The following DYNC1LI1 variants were observed in gnomAD, a reference collection of about 807,000 sequenced individuals.
The protein encoded by DYNC1LI1 is cytoplasmic dynein 1 light intermediate chain 1.
In DYNC1LI1, 19 loss-of-function variants were observed where a neutral mutation model predicts 63.8. That is an observed-to-expected ratio of 0.30 (90% confidence interval 0.21 to 0.44). DYNC1LI1 has a LOEUF of 0.44. Ranked by LOEUF, DYNC1LI1 falls within the 20% of genes least tolerant of loss-of-function variation. The probability of loss-of-function intolerance (pLI) is 1.00; values close to 1 mark genes in which losing one functional copy is unlikely to be tolerated. For synonymous variants in DYNC1LI1, 225 were observed against 232.3 expected, an observed-to-expected ratio of 0.97 and a Z score of 0.28; for missense variants, 565 against 630.2, an observed-to-expected ratio of 0.90 and a Z score of 1.11.
intron 12 of DYNC1LI1, 27 bp downstream of exon 12, chr3:32,528,418 AC>A (rs752107685): frequency 8.1e-6 from 13 of 1,613,438 alleles, no homozygotes; most frequent in Admixed American, 3.3e-5. Flanking sequence ...GTTATTTTAA[AC>A]AAGTGACTTG....
At chr3:32,563,898 G>A (rs920739776) in intron 2 of DYNC1LI1, among the ~76,000 whole-genome samples, 5 of 152,212 alleles carry the variant, frequency 3.3e-5, no homozygotes, top group African/African-American at 9.6e-5. Flanking sequence ...TTCATCATTT[G>A]TTCAACAGAT....
chr3:32,541,076 T>A lies in DYNC1LI1; in HGVS notation c.699A>T (p.Thr233=). ...VVLPLGADTL[T]HNLGIPVLVV... ...CTAGTACTGGAATGCCCAAGTTATG[T>A]GTAAGTGTATCCGCACCCAGAGGTA... Residue 233 remains threonine, a synonymous_variant, in exon 5 of 13, where the codon ACA becomes ACT. Transcript: ENST00000273130. The A allele has an allele frequency of 6.2e-7, 1 of 1,613,624 alleles. No individual in the cohort carries two copies. Among genetic ancestry groups the A allele is most frequent in the Non-Finnish European group, 8.5e-7 (1 of 1,179,792 alleles).
intron 2 of DYNC1LI1, among the ~76,000 whole-genome samples, chr3:32,564,658 T>C (rs1306684477): frequency 1.3e-5 from 2 of 152,228 alleles, no homozygotes; most frequent in East Asian, 3.8e-4. Context: ...AATAAACATG[T>C]AATAAATAAT....
chr3:32,538,632 C>T (rs977450365), intron 5 of DYNC1LI1, among the ~76,000 whole-genome samples: 4 of 151,648 alleles, frequency 2.6e-5, no homozygotes, highest in African/African-American at 7.3e-5. Context: ...ACCTAGGAGG[C>T]GGAGCTCGCT....
intron 5 of DYNC1LI1, among the ~76,000 whole-genome samples, chr3:32,537,571 A>G (rs1027448414): frequency 6.6e-6 from 1 of 151,856 alleles, no homozygotes; most frequent in African/African-American, 2.4e-5. Flanking sequence ...AAGTGACCTT[A>G]ATTTCTTTTC....
intron 7 of DYNC1LI1, among the ~76,000 whole-genome samples, chr3:32,534,115 G>A (rs147760762): frequency 2.2e-4 from 33 of 151,236 alleles, no homozygotes; most frequent in African/African-American, 7.5e-4. Flanking sequence ...CTGACATCAG[G>A]TGATCTGCTC....
intron 2 of DYNC1LI1, among the ~76,000 whole-genome samples, chr3:32,551,615 T>C (rs1698043813): frequency 1.3e-5 from 2 of 152,100 alleles, no homozygotes; most frequent in African/African-American, 2.4e-5. Flanking sequence ...AATAGGCTAT[T>C]AATGGAGTCC....
At chr3:32,569,850 A>T (rs185040556) in intron 2 of DYNC1LI1, among the ~76,000 whole-genome samples, 42 of 152,388 alleles carry the variant, frequency 2.8e-4, no homozygotes, top group Non-Finnish European at 5.0e-4. Flanking sequence ...TAGCTGCAAC[A>T]CGAGCACATT....
At chr3:32,537,703 A>G (rs923513364) in intron 5 of DYNC1LI1, among the ~76,000 whole-genome samples, 1 of 150,302 alleles carries the variant, frequency 6.7e-6, no homozygotes, top group Non-Finnish European at 1.5e-5. Flanking sequence ...TGCTACAGAA[A>G]AATGCTAAGA....
chr3:32,559,098 G>A (rs1352575845), intron 2 of DYNC1LI1, among the ~76,000 whole-genome samples: 1 of 150,630 alleles, frequency 6.6e-6, no homozygotes, highest in East Asian at 1.9e-4. Flanking sequence ...ATGGTGCCCA[G>A]GCTAGTCTTG....
intron 6 of DYNC1LI1, among the ~76,000 whole-genome samples, chr3:32,536,216 C>T (rs548681791): frequency 2.0e-5 from 3 of 152,230 alleles, no homozygotes; most frequent in African/African-American, 7.2e-5. Context: ...TTGTAGACAC[C>T]ATAAACGTGT....
chr3:32,545,567 A>C (rs1160817174), intron 3 of DYNC1LI1: 1 of 395,834 alleles, frequency 2.5e-6, no homozygotes, highest in Admixed American at 4.4e-5. Flanking sequence ...TCAACAAAAC[A>C]ATCACTATCT....
chr3:32,570,823 A>AGGCGGTGGC lies in DYNC1LI1; in HGVS notation c.-62_-54dup. ...CAAGACTAAATGTGCGAGGCGGCTG[A>AGGCGGTGGC]GGCGGTGGCGGTGGAGGCGGCGGGA... On this transcript the variant is annotated 5_prime_UTR_variant, in exon 1 of 13. Transcript: ENST00000273130. The AGGCGGTGGC allele has an allele frequency of 6.5e-7, 1 of 1,531,574 alleles. No individual in the cohort carries two copies. The highest frequency in any genetic ancestry group is 8.8e-7 in the Non-Finnish European group (1 of 1,130,894). 94.9% of individuals were successfully genotyped at this position (1,531,574 alleles called of 1,614,324 possible).
intron 6 of DYNC1LI1, among the ~76,000 whole-genome samples, chr3:32,536,179 C>T (rs908359999): frequency 3.3e-5 from 5 of 152,258 alleles, no homozygotes; most frequent in South Asian, 4.1e-4. Flanking sequence ...TTAAATTAAA[C>T]GCCCACTAAT....
intron 2 of DYNC1LI1, among the ~76,000 whole-genome samples, chr3:32,548,589 A>G (rs1253375638): frequency 6.6e-6 from 1 of 152,160 alleles, no homozygotes; most frequent in Non-Finnish European, 1.5e-5. Context: ...GACTGGGGCC[A>G]TGGTAGGGAA....
At chr3:32,538,769 C>T (rs1390870149) in intron 5 of DYNC1LI1, among the ~76,000 whole-genome samples, 2 of 151,896 alleles carry the variant, frequency 1.3e-5, no homozygotes, top group African/African-American at 4.8e-5. Flanking sequence ...CTTAGAGAGA[C>T]TAAGTTTCTA....
In DYNC1LI1 at chr3:32,563,764, TTC is replaced by T. The variant is rs796283019; in HGVS notation, c.220+6580_220+6581del. 5.3e-5 allele frequency among the ~76,000 whole-genome samples: 8 copies of T among 152,254 alleles called. No individual in the cohort carries two copies. The East Asian group carries it at 1.2e-3, about 22-fold the overall frequency. On this transcript the variant is annotated intron_variant, in intron 2 of 12. Coordinates refer to ENST00000273130, the MANE Select transcript of DYNC1LI1 (RefSeq NM_016141.4). The stretch of plus-strand genomic sequence containing the variant: ...CCAGCCTGTATCTGTGATTTGCCAG[TTC>T]TGTTTTCTGCTTTTGACAGTAGCAC...
intron 8 of DYNC1LI1, chr3:32,530,805 A>G (rs1697686062): frequency 6.2e-6 from 2 of 322,822 alleles, no homozygotes; most frequent in Admixed American, 8.6e-5. Flanking sequence ...GTGACTAAGG[A>G]AATGATTTTT....
chr3:32,548,413 A>G (rs536940282), intron 2 of DYNC1LI1, among the ~76,000 whole-genome samples: 6 of 152,138 alleles, frequency 3.9e-5, no homozygotes, highest in Non-Finnish European at 7.3e-5. Context: ...CCATGGAAAA[A>G]CTGTCTTCCA....
Sources: gnomAD v4.1 joint callset for allele counts (sites outside exome capture counted in the v4.1 genomes callset) on GRCh38, gnomAD v4.1.1 for gene constraint, MANE v1.5 for transcripts, NCBI Gene and HGNC (gene_info 2026-07-23, HGNC 2026-07-21) for gene names.